ZNG1E: variants seen among roughly 807,000 people sequenced by gnomAD.
ZNG1E encodes the protein zinc-regulated GTPase metalloprotein activator 1E.
the ZNG1E span, among the ~76,000 whole-genome samples, chr9:65,710,291 C>T: frequency 1.4e-5 from 2 of 147,102 alleles, no homozygotes; most frequent in East Asian, 2.0e-4. Flanking sequence ...AAATTTTCTC[C>T]CATTTTGTAG....
At chr9:65,710,941 T>G in the ZNG1E span, among the ~76,000 whole-genome samples, 2 of 145,998 alleles carry the variant, frequency 1.4e-5, no homozygotes, top group African/African-American at 5.3e-5. Context: ...TAAATTACCT[T>G]GGGTAGTATG....
the ZNG1E span, among the ~76,000 whole-genome samples, chr9:65,683,814 T>G: frequency 6.6e-6 from 1 of 152,286 alleles, no homozygotes; most frequent in Non-Finnish European, 1.5e-5. Context: ...GTCCTTATAG[T>G]AAGCATGGGT....
the ZNG1E span, among the ~76,000 whole-genome samples, chr9:65,657,876 A>G: frequency 9.9e-5 from 15 of 152,268 alleles, no homozygotes; most frequent in Non-Finnish European, 1.8e-4. Flanking sequence ...TGAGGCGGGC[A>G]GATCACCTGA....
the ZNG1E span, among the ~76,000 whole-genome samples, chr9:65,663,178 G>T: frequency 6.6e-6 from 1 of 152,282 alleles, no homozygotes; most frequent in Non-Finnish European, 1.5e-5. Context: ...AGAACAAGTA[G>T]CTCCTCAGGC....
At chr9:65,686,742 A>C in the ZNG1E span, among the ~76,000 whole-genome samples, 4 of 152,248 alleles carry the variant, frequency 2.6e-5, no homozygotes, top group African/African-American at 9.6e-5. Flanking sequence ...CTTCTATATC[A>C]GCATTTGCTG....
chr9:65,681,170 G>C, the ZNG1E span, among the ~76,000 whole-genome samples: 1 of 151,904 alleles, frequency 6.6e-6, no homozygotes, highest in Non-Finnish European at 1.5e-5. Flanking sequence ...TTTAGAAGAA[G>C]AATGAAAAGA....
At chr9:65,658,327 A>G in the ZNG1E span, among the ~76,000 whole-genome samples, 1 of 151,914 alleles carries the variant, frequency 6.6e-6, no homozygotes, top group African/African-American at 2.4e-5. Flanking sequence ...AAATAATAGT[A>G]GAATAAAAAA....
At chr9:65,729,111 AT>A in the ZNG1E span, among the ~76,000 whole-genome samples, 1 of 151,558 alleles carries the variant, frequency 6.6e-6, no homozygotes, top group Non-Finnish European at 1.5e-5. Flanking sequence ...AAGGCATCAC[AT>A]TACCTGATTT....
the ZNG1E span, among the ~76,000 whole-genome samples, chr9:65,657,479 A>G: frequency 6.6e-6 from 1 of 152,400 alleles, no homozygotes; most frequent in African/African-American, 2.4e-5. Flanking sequence ...CAAAAAAACA[A>G]ATTTCACATG....
the ZNG1E span, among the ~76,000 whole-genome samples, chr9:65,687,207 G>A: frequency 7.2e-6 from 1 of 138,152 alleles, no homozygotes; most frequent in Non-Finnish European, 1.5e-5. Context: ...GATATTAATT[G>A]GCCTAGTTTC....
chr9:65,691,514 A>T, the ZNG1E span, among the ~76,000 whole-genome samples: 1 of 152,214 alleles, frequency 6.6e-6, no homozygotes, highest in Non-Finnish European at 1.5e-5. Flanking sequence ...ATAGATTAAA[A>T]AACCCCAGAC....
the ZNG1E span, among the ~76,000 whole-genome samples, chr9:65,657,900 A>C: frequency 1.3e-5 from 2 of 152,282 alleles, no homozygotes; most frequent in African/African-American, 4.8e-5. Flanking sequence ...CGGGAGTTTG[A>C]GACCAGCCTG....
chr9:65,730,150 G>GAT, the ZNG1E span, among the ~76,000 whole-genome samples: 1 of 82,110 alleles, frequency 1.2e-5, no homozygotes, highest in Non-Finnish European at 2.3e-5. Flanking sequence ...AAGTAACTGT[G>GAT]ATATATATAC....
chr9:65,717,485 C>T, the ZNG1E span, among the ~76,000 whole-genome samples: 2 of 149,272 alleles, frequency 1.3e-5, no homozygotes, highest in South Asian at 2.1e-4. Flanking sequence ...CTTCTTTTTA[C>T]TTCAAGGTTC....
the ZNG1E span, among the ~76,000 whole-genome samples, chr9:65,710,965 T>G: frequency 8.7e-4 from 126 of 145,634 alleles, no homozygotes; most frequent in African/African-American, 3.2e-3. Context: ...ATTTTCACGA[T>G]ATTGATTCTT....
chr9:65,691,622 T>A, the ZNG1E span, among the ~76,000 whole-genome samples: 3 of 152,264 alleles, frequency 2.0e-5, no homozygotes, highest in African/African-American at 7.2e-5. Context: ...GTATCCTCTG[T>A]TGTTTGATTT....
the ZNG1E span, among the ~76,000 whole-genome samples, chr9:65,693,747 G>A: frequency 6.6e-6 from 1 of 151,646 alleles, no homozygotes; most frequent in South Asian, 2.1e-4. Flanking sequence ...AGTAGAGACA[G>A]GATTTTACCA....
chr9:65,674,063 T>C, the ZNG1E span, among the ~76,000 whole-genome samples: 1 of 151,750 alleles, frequency 6.6e-6, no homozygotes, highest in Non-Finnish European at 1.5e-5. Flanking sequence ...AACCATTGTG[T>C]TTAGGGTGTA....
chr9:65,666,269 C>A, the ZNG1E span, among the ~76,000 whole-genome samples: 1 of 150,296 alleles, frequency 6.7e-6, no homozygotes, highest in Non-Finnish European at 1.5e-5. Flanking sequence ...TGGGGGCAGG[C>A]CTTTCTCATG....
Sources: gnomAD v4.1 joint callset for allele counts (sites outside exome capture counted in the v4.1 genomes callset) on GRCh38, gnomAD v4.1.1 for gene constraint, MANE v1.5 for transcripts, NCBI Gene and HGNC (gene_info 2026-07-23, HGNC 2026-07-21) for gene names.